Variants in TRANK1 observed in about 807,000 individuals in gnomAD.
The protein encoded by TRANK1 is TPR and ankyrin repeat-containing protein 1.
Under a neutral mutation model 266.0 loss-of-function variants are expected in TRANK1, and 198 were observed. That is an observed-to-expected ratio of 0.74 (90% CI 0.66 to 0.84). TRANK1 has a LOEUF of 0.84. Among genes scored for constraint, TRANK1 ranks in the 40% least tolerant of loss-of-function variants. TRANK1 has a pLI of 0.00. For synonymous variants in TRANK1, 1,396 were observed against 1,384.1 expected (o/e 1.01, Z -0.19); for missense variants, 3,326 against 3,634.6 (o/e 0.92, Z 2.18).
chr3:36,861,291 G>A, intron 10 of TRANK1, 131 bp from the exon 11 acceptor site: 1 of 1,159,106 alleles, frequency 8.6e-7, no homozygotes, highest in East Asian at 2.6e-5. Flanking sequence ...TTTGGGCCAT[G>A]TTGCTTAACC....
intron 17 of TRANK1, among the ~76,000 whole-genome samples, chr3:36,845,923 T>C (rs1235864326): frequency 6.6e-6 from 1 of 152,232 alleles, no homozygotes. Context: ...ATCTTTATTT[T>C]GATAGATACT....
chr3:36,877,788 T>A (rs1057469429), intron 8 of TRANK1, among the ~76,000 whole-genome samples: 2 of 152,238 alleles, frequency 1.3e-5, no homozygotes, highest in Non-Finnish European at 2.9e-5. Context: ...AGATTTACTT[T>A]TTATCACATT....
intron 3 of TRANK1, 143 bp from the exon 4 acceptor site, chr3:36,899,402 C>A: frequency 1.1e-6 from 1 of 919,498 alleles, no homozygotes; most frequent in Admixed American, 2.8e-5. Context: ...TGCCTGTAAT[C>A]CTAACATTCC....
intron 4 of TRANK1, among the ~76,000 whole-genome samples, chr3:36,896,015 G>C (rs895283829): frequency 6.6e-6 from 1 of 152,146 alleles, no homozygotes; most frequent in African/African-American, 2.4e-5. Flanking sequence ...GCCAAGCCCA[G>C]TGATATGTGC....
At chr3:36,940,416 C>T (rs552760270) in intron 1 of TRANK1, among the ~76,000 whole-genome samples, 2 of 151,552 alleles carry the variant, frequency 1.3e-5, no homozygotes, top group East Asian at 2.0e-4. Context: ...AGGAGAATGG[C>T]GTGAACCTGG....
chr3:36,918,694 A>G (rs893350317), intron 1 of TRANK1, among the ~76,000 whole-genome samples: 10 of 146,378 alleles, frequency 6.8e-5, no homozygotes, highest in African/African-American at 2.5e-4. Flanking sequence ...AGAAACGCCA[A>G]TGTAAACAAA....
At position 36,880,063 on chromosome 3, in the gene TRANK1, TGTAAACATGC is replaced by T. The variant is rs1295662905; in HGVS notation, c.908-5777_908-5768del. 1.4e-3 allele frequency: 103 copies of T among 73,832 alleles called. 28 individuals are homozygous for T. The highest frequency in any genetic ancestry group is 2.3e-3 in the Non-Finnish European group (80 of 35,118). 4.6% of individuals were successfully genotyped at this position (73,832 alleles called of 1,614,324 possible). On this transcript the variant is annotated intron_variant, in intron 8 of 23. Coordinates refer to ENST00000645898, the MANE Select transcript of TRANK1 (RefSeq NM_001329998.2). ...AAATATATGTAAACATACAAATATA[TGTAAACATGC>T]AAATATATATAAACATATATAAATA...
rs765156692 is a variant in TRANK1 at position 36,831,482 on chromosome 3, C to T, written c.8101G>A (p.Asp2701Asn). The T allele has an allele frequency of 6.2e-6, 10 of 1,613,260 alleles. No homozygotes were observed. In the South Asian group the frequency reaches 9.9e-5, roughly 16 times the overall value. The change falls in exon 22 of 24, where the codon GAC becomes AAC. Residue 2701 changes from aspartate to asparagine, a missense_variant. Physicochemically the swap from Asp to Asn is conservative, Grantham distance 23. Coordinates refer to ENST00000645898, the MANE Select transcript of TRANK1 (RefSeq NM_001329998.2). The surrounding 1 kb of genome is among the most constrained non-coding windows in gnomAD (Gnocchi z 5.0). ...ATGGTGGCCAGGACGTGGTCTCGGTCTTCTAATGCCAGTTCATCCATCTCA... is the reference window on the plus strand; with the variant it reads ...ATGGTGGCCAGGACGTGGTCTCGGTTTTCTAATGCCAGTTCATCCATCTCA... ...QDEMDELALEDRDHVLATILS... is the reference protein window; with the variant it reads ...QDEMDELALENRDHVLATILS...
chr3:36,886,989 T>C (rs762163002), intron 8 of TRANK1, among the ~76,000 whole-genome samples: 17 of 148,486 alleles, frequency 1.1e-4, no homozygotes, highest in East Asian at 6.1e-4. Context: ...TCACTGGAAG[T>C]TCCGCTTCCT....
rs780594028 is a variant in TRANK1, at chr3:36,831,768, G to A, written c.7815C>T (p.Gly2605=). 1 of 1,613,898 alleles carries A rather than the reference G, an allele frequency of 6.2e-7. No individual in the cohort carries two copies. The highest frequency in any genetic ancestry group is 8.5e-7 in the Non-Finnish European group (1 of 1,179,874). The change falls in exon 22 of 24, where the codon GGC becomes GGT. Residue 2605 remains glycine, a synonymous_variant. Transcript: ENST00000645898. This position sits in a 1 kb window ranked among gnomAD's most constrained non-coding sequence, Gnocchi z 5.0. ...RLQLMSMDCP[G]QVPERLLKVV... is the part of the protein sequence containing the mutation. ...CCTTCAGGAGCCTCTCGGGAACCTGGCCAGGGCAGTCCATGCTCATGAGCT... is the reference window on the plus strand; with the variant it reads ...CCTTCAGGAGCCTCTCGGGAACCTGACCAGGGCAGTCCATGCTCATGAGCT...
At chr3:36,890,229 G>A (rs1437375870) in intron 7 of TRANK1, among the ~76,000 whole-genome samples, 1 of 152,168 alleles carries the variant, frequency 6.6e-6, no homozygotes, top group East Asian at 1.9e-4. Flanking sequence ...CTAGAAGCCT[G>A]AGACAGGGAT....
intron 6 of TRANK1, among the ~76,000 whole-genome samples, chr3:36,892,686 C>T (rs1248203856): frequency 6.6e-6 from 1 of 151,942 alleles, no homozygotes; most frequent in East Asian, 1.9e-4. Context: ...AACAATTAGC[C>T]GGGCACTGTG....
chr3:36,887,026 C>T (rs1220666620), intron 8 of TRANK1, among the ~76,000 whole-genome samples: 2 of 151,570 alleles, frequency 1.3e-5, no homozygotes, highest in Non-Finnish European at 2.9e-5. Context: ...CCTACCTCAG[C>T]CTCCCGAGTA....
intron 21 of TRANK1, among the ~76,000 whole-genome samples, chr3:36,834,171 A>C (rs2078736624): frequency 6.6e-6 from 1 of 152,224 alleles, no homozygotes; most frequent in Non-Finnish European, 1.5e-5. Flanking sequence ...AATATAGTGG[A>C]GGTGTAACTC....
At chr3:36,944,723 G>T in intron 1 of TRANK1, 64 bp downstream of exon 1, 4 of 1,493,320 alleles carry the variant, frequency 2.7e-6, no homozygotes, top group African/African-American at 1.5e-5. Flanking sequence ...GCCGCCTCCC[G>T]CCAGGAAGGG....
chr3:36,851,500 G>A, intron 15 of TRANK1: 6 of 1,246,484 alleles, frequency 4.8e-6, no homozygotes, highest in Non-Finnish European at 6.2e-6. Flanking sequence ...GCAGGGCACA[G>A]GGGGAACTAG....
chr3:36,945,041 C>A lies in TRANK1; in HGVS notation c.-232G>T. 1 of 460,368 alleles carries A rather than the reference C, an allele frequency of 2.2e-6. No individual in the cohort carries two copies. The highest frequency in any genetic ancestry group is 3.9e-5 in the South Asian group (1 of 25,330). 28.5% of individuals were successfully genotyped at this position (460,368 alleles called of 1,614,324 possible). ...CCCCGGCGTCCGGGCGGTGTGCAGC[C>A]GCAGACCTATTCCAAGTTTCCACGT... On this transcript the variant is annotated 5_prime_UTR_variant, in exon 1 of 24. Coordinates refer to ENST00000645898, the MANE Select transcript of TRANK1 (RefSeq NM_001329998.2).
chr3:36,932,495 G>C (rs2080373484), intron 1 of TRANK1, among the ~76,000 whole-genome samples: 1 of 152,168 alleles, frequency 6.6e-6, no homozygotes. Flanking sequence ...CCTGGGAGGT[G>C]GAGGTCGCAG....
At position 36,852,211 on chromosome 3, in the gene TRANK1, C is replaced by T. The variant is rs774761854; in HGVS notation, c.4684G>A (p.Asp1562Asn). ...PTVLESCSVSDLAILLRGNKR... is the reference protein window; with the variant it reads ...PTVLESCSVSNLAILLRGNKR... Reference sequence around the variant, plus strand: ...TTCCCTCGTAGCAAAATTGCCAAGTCGCTTACACTACAAGACTCCAGAACA... The same window carrying T: ...TTCCCTCGTAGCAAAATTGCCAAGTTGCTTACACTACAAGACTCCAGAACA... Residue 1562 changes from aspartate (D) to asparagine (N), a missense_variant, in exon 14 of 24, where the codon GAC (aspartate) becomes AAC (asparagine). Physicochemically the swap from Asp to Asn is conservative, Grantham distance 23. Coordinates refer to ENST00000645898, the MANE Select transcript of TRANK1 (RefSeq NM_001329998.2). 9 of 1,611,254 alleles carry T rather than the reference C, an allele frequency of 5.6e-6. No individual in the cohort carries two copies. The highest frequency in any genetic ancestry group is 2.2e-5 in the East Asian group (1 of 44,876).
Sources: allele counts gnomAD v4.1 joint callset (sites outside exome capture counted in the v4.1 genomes callset), GRCh38; gene constraint gnomAD v4.1.1; non-coding constraint Gnocchi (gnomAD v3.1); transcripts MANE v1.5; gene names NCBI Gene and HGNC (gene_info 2026-07-23, HGNC 2026-07-21).